Variants in PHACTR3 observed in about 807,000 individuals in gnomAD.
The protein encoded by PHACTR3 is protein phosphatase 1, regulatory subunit 123.
In PHACTR3, 16 loss-of-function variants were observed where a neutral mutation model predicts 66.8. That is an observed-to-expected ratio of 0.24 (90% CI 0.16 to 0.36). The LOEUF is 0.36. Ranked by LOEUF, PHACTR3 falls within the 10% of genes least tolerant of loss-of-function variation. The pLI is 1.00. For missense variants in PHACTR3, 647 were observed against 719.9 expected (o/e 0.90, Z 1.16); for synonymous variants, 323 against 292.1 (o/e 1.11, Z -1.08).
chr20:59,638,976 T>C (rs2035001511), intron 1 of PHACTR3, among the ~76,000 whole-genome samples: 1 of 135,998 alleles, frequency 7.4e-6, no homozygotes, highest in African/African-American at 2.8e-5. Flanking sequence ...GATTGATGGA[T>C]GACGGCTAGG....
chr20:59,785,151 G>A (rs1357296730), intron 7 of PHACTR3, among the ~76,000 whole-genome samples: 2 of 152,190 alleles, frequency 1.3e-5, no homozygotes, highest in Non-Finnish European at 2.9e-5. Context: ...TGCCTGAAAC[G>A]ACAGACGTTT....
In PHACTR3 at chr20:59,747,777, C is replaced by T. The variant is rs530937610; in HGVS notation, c.300C>T (p.Ala100=). The change falls in exon 3 of 13, where the codon GCC becomes GCT. Residue 100 remains alanine (A), a synonymous_variant. Transcript: ENST00000371015. ...QTTSALEKKM[A]GRQGREELIK... ...GGGCAGCGCTGGAGAAGAAGATGGC[C>T]GGCAGGCAAGGCCGAGAGGAGCTCA... is the stretch of plus-strand genomic sequence containing the variant. 37 of 1,613,920 alleles carry T rather than the reference C, an allele frequency of 2.3e-5. No homozygotes were observed. The Admixed American group carries it at 3.0e-4, about 13-fold the overall frequency.
At chr20:59,725,824 CAGG>C (rs1469593829) in intron 1 of PHACTR3, among the ~76,000 whole-genome samples, 1 of 152,138 alleles carries the variant, frequency 6.6e-6, no homozygotes, top group Admixed American at 6.5e-5. Context: ...CGGCTCTGTG[CAGG>C]AGGACAGAGA....
chr20:59,692,744 G>C (rs2037158888), intron 1 of PHACTR3, among the ~76,000 whole-genome samples: 2 of 152,200 alleles, frequency 1.3e-5, no homozygotes, highest in African/African-American at 2.4e-5. Context: ...GGGAGCCTTG[G>C]TTAAAATATC....
chr20:59,753,965 G>A (rs572517048), intron 3 of PHACTR3, among the ~76,000 whole-genome samples: 2 of 152,324 alleles, frequency 1.3e-5, no homozygotes, highest in African/African-American at 2.4e-5. Flanking sequence ...GGAGGTCAGC[G>A]TAGGCTAGCA....
intron 7 of PHACTR3, among the ~76,000 whole-genome samples, chr20:59,781,420 C>A (rs1008300197): frequency 6.6e-6 from 1 of 152,184 alleles, no homozygotes; most frequent in Admixed American, 6.5e-5. Context: ...ATTGGGATGA[C>A]CCTGGGCAGG....
Position 59,703,651 on chromosome 20 carries a change from T to A in PHACTR3, c.119-39456T>A, listed in dbSNP as rs562709669. On this transcript the variant is annotated intron_variant, in intron 1 of 12. Coordinates refer to ENST00000371015, the MANE Select transcript of PHACTR3 (RefSeq NM_080672.5). ...AAATAAAATAATTTTTACCCATAGT[T>A]CTTCTAGATATCATTAATATTTTGG... is the stretch of plus-strand genomic sequence containing the variant. Among the ~76,000 whole-genome samples the A allele has an allele frequency of 2.6e-5, 4 of 152,210 alleles. 1 individual carries two copies. The South Asian group carries it at 8.3e-4, about 32-fold the overall frequency.
At chr20:59,755,766 G>T (rs1254553325) in intron 4 of PHACTR3, among the ~76,000 whole-genome samples, 1 of 152,176 alleles carries the variant, frequency 6.6e-6, no homozygotes, top group Non-Finnish European at 1.5e-5. Context: ...CTTTTCTGTG[G>T]CCGAAATCCT....
chr20:59,680,758 A>G (rs1157832844), intron 1 of PHACTR3, among the ~76,000 whole-genome samples: 4 of 152,314 alleles, frequency 2.6e-5, no homozygotes, highest in African/African-American at 7.2e-5. Flanking sequence ...CAAGGAAGCC[A>G]AAAGATTGGA....
chr20:59,822,790 G>C (rs545856542), intron 8 of PHACTR3, among the ~76,000 whole-genome samples: 11 of 152,324 alleles, frequency 7.2e-5, no homozygotes, highest in Admixed American at 5.2e-4. Flanking sequence ...CACTAGGAGT[G>C]GGGGATGGGA....
intron 1 of PHACTR3, among the ~76,000 whole-genome samples, chr20:59,709,642 C>T (rs2037840396): frequency 6.6e-6 from 1 of 152,144 alleles, no homozygotes; most frequent in South Asian, 2.1e-4. Context: ...TTGGTGACTT[C>T]AAATGTGAGA....
intron 4 of PHACTR3, among the ~76,000 whole-genome samples, chr20:59,759,634 A>C (rs2039928213): frequency 6.6e-6 from 1 of 152,168 alleles, no homozygotes; most frequent in African/African-American, 2.4e-5. Flanking sequence ...GGCCACTGTG[A>C]GGCAACGTGG....
Position 59,605,091 on chromosome 20 carries a change from A to G in PHACTR3, c.77A>G (p.Asp26Gly). The G allele has an allele frequency of 1.4e-6, 2 of 1,390,468 alleles. No homozygotes were observed. Among genetic ancestry groups the G allele is most frequent in the Non-Finnish European group, 1.9e-6 (2 of 1,065,450 alleles). The allele number at this position is 1,390,468 out of a possible 1,614,324, so 86.1% of individuals were successfully genotyped here. The change falls in exon 1 of 13, where the codon GAC (aspartate) becomes GGC (glycine). Residue 26 changes from aspartate to glycine, a missense_variant. Transcript: ENST00000371015. ...RSQSDPSVLT[D>G]SSATSSADAG... ...CAGAGTGACCCCAGCGTCCTCACCG[A>G]CTCCTCGGCCACCTCCTCCGCGGAC...
chr20:59,821,304 GGTT>G (rs2042023139), intron 8 of PHACTR3, among the ~76,000 whole-genome samples: 1 of 152,142 alleles, frequency 6.6e-6, no homozygotes, highest in South Asian at 2.1e-4. Flanking sequence ...GGACTGGCAT[GGTT>G]GTTCCAAAAT....
exon 1 of PHACTR3, chr20:59,577,590 G>A: frequency 3.3e-6 from 4 of 1,208,098 alleles, no homozygotes; most frequent in Non-Finnish European, 4.1e-6. Context: ...CCGGGACGCT[G>A]CCGCCGCCGC....
chr20:59,664,638 A>G (rs1309187954), intron 1 of PHACTR3, among the ~76,000 whole-genome samples: 1 of 152,202 alleles, frequency 6.6e-6, no homozygotes. Flanking sequence ...GCTGGCAGAA[A>G]TCACATAACC....
At chr20:59,775,427 G>A (rs1258890745) in intron 7 of PHACTR3, among the ~76,000 whole-genome samples, 2 of 152,198 alleles carry the variant, frequency 1.3e-5, no homozygotes, top group Non-Finnish European at 2.9e-5. Flanking sequence ...AGATGTCGGT[G>A]CTGACCCTGG....
intron 8 of PHACTR3, among the ~76,000 whole-genome samples, chr20:59,806,832 G>A (rs1005205141): frequency 2.6e-5 from 4 of 152,354 alleles, no homozygotes; most frequent in Admixed American, 6.5e-5. Flanking sequence ...TGATGGCTCC[G>A]AGGCTACAAA....
intron 8 of PHACTR3, among the ~76,000 whole-genome samples, chr20:59,811,830 A>G (rs1364145063): frequency 6.6e-6 from 1 of 152,204 alleles, no homozygotes; most frequent in Non-Finnish European, 1.5e-5. Context: ...ATAGGCCAGC[A>G]CCAGTGTCTC....
Sources: gnomAD v4.1 joint callset for allele counts (sites outside exome capture counted in the v4.1 genomes callset) on GRCh38, gnomAD v4.1.1 for gene constraint, MANE v1.5 for transcripts, NCBI Gene and HGNC (gene_info 2026-07-23, HGNC 2026-07-21) for gene names.